OSBPL10: variants seen among roughly 807,000 people sequenced by gnomAD.
OSBPL10 encodes the protein oxysterol-binding protein-related protein 10.
Under a neutral mutation model 81.7 loss-of-function variants are expected in OSBPL10, and 49 were observed. That is an observed-to-expected ratio of 0.60 (90% CI 0.48 to 0.76). The LOEUF (loss-of-function observed/expected upper bound fraction) is 0.76. OSBPL10 is among the 30% of genes least tolerant of loss of function. The probability of loss-of-function intolerance (pLI) is 0.00; values close to 1 mark genes in which losing one functional copy is unlikely to be tolerated. For synonymous variants in OSBPL10, 419 were observed against 383.6 expected (o/e 1.09, Z -1.08); for missense variants, 923 against 987.8 (o/e 0.93, Z 0.88).
intron 5 of OSBPL10, among the ~76,000 whole-genome samples, chr3:31,740,463 T>C (rs1697306036): frequency 6.6e-6 from 1 of 152,264 alleles, no homozygotes; most frequent in East Asian, 1.9e-4. Context: ...AAAATATTAA[T>C]AACAATAGCC....
chr3:31,976,207 A>C (rs958347940), intron 1 of OSBPL10, among the ~76,000 whole-genome samples: 1 of 152,172 alleles, frequency 6.6e-6, no homozygotes. Context: ...AAAACAGACA[A>C]ATTGAAGATC....
At chr3:31,977,263 TC>T in intron 1 of OSBPL10, among the ~76,000 whole-genome samples, 1 of 152,106 alleles carries the variant, frequency 6.6e-6, no homozygotes, top group Middle Eastern at 3.4e-3. Context: ...ATTTCCATCC[TC>T]TCCACACCAG....
In OSBPL10 at chr3:32,044,981, A is replaced by G. The variant is rs149117526; in HGVS notation, n.298+1510T>C. 3.4e-3 allele frequency among the ~76,000 whole-genome samples: 512 copies of G among 152,326 alleles called. 2 individuals carry two copies. Among genetic ancestry groups the G allele is most frequent in the African/African-American group, 0.012 (486 of 41,568 alleles). ...CAAAATGAATGCTCTACTTTGAAAGATTCCAGAAAAAATCAATTGTGTCTT... is the reference window on the plus strand; with the variant it reads ...CAAAATGAATGCTCTACTTTGAAAGGTTCCAGAAAAAATCAATTGTGTCTT... On this transcript the variant is annotated intron_variant and non_coding_transcript_variant, in intron 2 of 3. Coordinates refer to the OSBPL10 transcript ENST00000479173.
At chr3:32,051,533 A>T (rs1371908033) in intron 1 of OSBPL10, among the ~76,000 whole-genome samples, 1 of 152,142 alleles carries the variant, frequency 6.6e-6, no homozygotes, top group East Asian at 1.9e-4. Flanking sequence ...CCCCACTGAG[A>T]GATAAGACTC....
intron 6 of OSBPL10, chr3:31,732,479 CTAA>C (rs1697005100): frequency 6.6e-6 from 1 of 152,164 alleles, no homozygotes; most frequent in African/African-American, 2.4e-5. Flanking sequence ...AGAACAACCT[CTAA>C]TGCATGGTTA....
intron 3 of OSBPL10, among the ~76,000 whole-genome samples, chr3:31,868,045 T>A (rs1206999610): frequency 4.0e-5 from 6 of 150,950 alleles, no homozygotes; most frequent in African/African-American, 1.5e-4. Context: ...GTTCCGTGCA[T>A]ATGAACGTAC....
chr3:32,027,068 C>A (rs760936410), intron 2 of OSBPL10, among the ~76,000 whole-genome samples: 1 of 151,906 alleles, frequency 6.6e-6, no homozygotes, highest in Non-Finnish European at 1.5e-5. Flanking sequence ...CTGGGATACA[C>A]GTGCAGAACA....
intron 4 of OSBPL10, among the ~76,000 whole-genome samples, chr3:31,790,586 G>T (rs1033166840): frequency 3.9e-5 from 6 of 152,232 alleles, no homozygotes; most frequent in African/African-American, 1.4e-4. Context: ...CCATCTGATA[G>T]ATCTTGGGGG....
chr3:31,870,601 A>T (rs1219418943), intron 3 of OSBPL10, among the ~76,000 whole-genome samples: 1 of 152,212 alleles, frequency 6.6e-6, no homozygotes, highest in African/African-American at 2.4e-5. Flanking sequence ...GGCCTTGGAG[A>T]ACCTTTATGT....
At chr3:32,054,352 A>G (rs1699690756) in intron 1 of OSBPL10, among the ~76,000 whole-genome samples, 1 of 152,058 alleles carries the variant, frequency 6.6e-6, no homozygotes, top group African/African-American at 2.4e-5. Flanking sequence ...TCAAATATGA[A>G]ATGGTATTTG....
rs1278887560 is a variant in OSBPL10 at position 31,661,858 on chromosome 3, TAC to T, written c.*212_*213del. 9.9e-6 allele frequency: 6 copies of T among 608,784 alleles called. No homozygotes were observed. In the African/African-American group the frequency reaches 1.1e-4, roughly 11 times the overall value. The allele number at this position is 608,784 out of a possible 1,614,324, so 37.7% of individuals were successfully genotyped here. On this transcript the variant is annotated 3_prime_UTR_variant, in exon 12 of 12. Coordinates refer to ENST00000396556, the MANE Select transcript of OSBPL10 (RefSeq NM_017784.5). ...CATGTGTGTGAACGTATACGGTGTGTACACACACGTGCCCCGAATGGCTCTTG... is the reference window on the plus strand; with the variant it reads ...CATGTGTGTGAACGTATACGGTGTGTACACACGTGCCCCGAATGGCTCTTG...
chr3:31,688,323 TCC>T (rs1700851726), intron 7 of OSBPL10, among the ~76,000 whole-genome samples: 1 of 80,180 alleles, frequency 1.2e-5, no homozygotes, highest in Admixed American at 1.2e-4. Flanking sequence ...ACACACACAC[TCC>T]CTTTTTCTGC....
chr3:31,875,824 T>A (rs777164234), intron 3 of OSBPL10, among the ~76,000 whole-genome samples: 1 of 152,170 alleles, frequency 6.6e-6, no homozygotes, highest in Non-Finnish European at 1.5e-5. Flanking sequence ...AACAAATATT[T>A]ATTGCCCTAG....
At chr3:32,052,097 A>G (rs958754063) in intron 1 of OSBPL10, among the ~76,000 whole-genome samples, 35 of 152,042 alleles carry the variant, frequency 2.3e-4, no homozygotes, top group East Asian at 7.8e-4. Flanking sequence ...AATACAAAAA[A>G]TTAGCTGGGT....
chr3:32,041,733 CT>C lies in OSBPL10; in HGVS notation n.298+4757del, dbSNP rs369952784. On this transcript the variant is annotated intron_variant and non_coding_transcript_variant, in intron 2 of 3. Transcript: ENST00000479173. ...AGTGCAGTGGCATGATCTTGGCTCACTGCAGCCTCCACCTCCCAGGTTCCAG... is the reference window on the plus strand; with the variant it reads ...AGTGCAGTGGCATGATCTTGGCTCACGCAGCCTCCACCTCCCAGGTTCCAG... Among the ~76,000 whole-genome samples, 135 of 152,218 alleles carry C rather than the reference CT, an allele frequency of 8.9e-4. No homozygotes were observed. In the East Asian group the frequency reaches 0.023, roughly 25 times the overall value.
intron 1 of OSBPL10, among the ~76,000 whole-genome samples, chr3:31,939,877 G>A (rs959198623): frequency 6.6e-6 from 1 of 152,052 alleles, no homozygotes; most frequent in Admixed American, 6.6e-5. Context: ...GGGACTACAG[G>A]TGCATGCTAC....
chr3:31,957,354 G>T (rs912605802), intron 1 of OSBPL10, among the ~76,000 whole-genome samples: 3 of 152,104 alleles, frequency 2.0e-5, no homozygotes, highest in African/African-American at 7.2e-5. Context: ...ACAGTTATGA[G>T]ATCTGGAAAC....
intron 6 of OSBPL10, among the ~76,000 whole-genome samples, chr3:31,720,944 G>A (rs1259036198): frequency 6.6e-6 from 1 of 150,890 alleles, no homozygotes; most frequent in Non-Finnish European, 1.5e-5. Context: ...TAGGTTACAT[G>A]GCAATAGGGA....
intron 2 of OSBPL10, among the ~76,000 whole-genome samples, chr3:32,045,458 G>A (rs1699612398): frequency 6.6e-6 from 1 of 152,180 alleles, no homozygotes; most frequent in African/African-American, 2.4e-5. Context: ...GCAAGAGGCT[G>A]GGAGAGGGCA....
Sources: allele counts gnomAD v4.1 joint callset (sites outside exome capture counted in the v4.1 genomes callset), GRCh38; gene constraint gnomAD v4.1.1; transcripts MANE v1.5; gene names NCBI Gene and HGNC (gene_info 2026-07-23, HGNC 2026-07-21).